Variants in OTUD7A observed in about 807,000 individuals in gnomAD.
OTUD7A encodes OTU domain-containing protein 7A.
A neutral mutation model predicts 65.7 loss-of-function variants in OTUD7A; 12 were observed. The observed-to-expected ratio is 0.18, with a 90% CI of 0.12 to 0.30. The LOEUF (loss-of-function observed/expected upper bound fraction) is 0.30, where lower values mean the gene tolerates loss of function less well. Ranked by LOEUF, OTUD7A falls within the 10% of genes least tolerant of loss-of-function variation. The probability of loss-of-function intolerance (pLI) is 1.00; values close to 1 mark genes in which losing one functional copy is unlikely to be tolerated. For missense variants in OTUD7A, 1,148 were observed against 1,304.8 expected (o/e 0.88, Z 1.85); for synonymous variants, 641 against 586.3 (o/e 1.09, Z -1.35).
At chr15:31,576,972 T>C (rs563220868) in intron 3 of OTUD7A, among the ~76,000 whole-genome samples, 4 of 152,030 alleles carry the variant, frequency 2.6e-5, no homozygotes, top group African/African-American at 9.7e-5. Context: ...CAGACCAGCA[T>C]TAACATTAAA....
chr15:31,867,078 C>T (rs1346331321), intron 1 of OTUD7A, among the ~76,000 whole-genome samples: 1 of 152,140 alleles, frequency 6.6e-6, no homozygotes, highest in African/African-American at 2.4e-5. Flanking sequence ...ACCATCTAAG[C>T]ATGGGAAACA....
chr15:31,526,244 A>T (rs1337938855), intron 8 of OTUD7A, 105 bp downstream of exon 8: 1 of 1,161,952 alleles, frequency 8.6e-7, no homozygotes, highest in East Asian at 2.7e-5. Context: ...CTTCCACAGC[A>T]CAAGAGTCCC....
chr15:31,765,448 T>C (rs1268494858), intron 1 of OTUD7A, among the ~76,000 whole-genome samples: 2 of 152,170 alleles, frequency 1.3e-5, no homozygotes, highest in Admixed American at 1.3e-4. Context: ...TACAGTTTAA[T>C]CCCTAACACA....
At chr15:31,771,630 A>G (rs1490500932) in intron 1 of OTUD7A, among the ~76,000 whole-genome samples, 2 of 152,106 alleles carry the variant, frequency 1.3e-5, no homozygotes, top group African/African-American at 4.8e-5. Context: ...GAACTTTTAA[A>G]ATGGTTAACT....
chr15:31,526,453 C>T lies in OTUD7A; in HGVS notation c.789G>A (p.Leu263=), dbSNP rs778537935. The part of the protein sequence containing the change: ...QQTQQNKESG[L]VYTEEEWERE... Reference sequence around the variant, plus strand: ...GCTCCCACTCCTCCTCTGTGTACACCAGCCCTGACTGGCAGAGGGGAGCCG... The same window carrying T: ...GCTCCCACTCCTCCTCTGTGTACACTAGCCCTGACTGGCAGAGGGGAGCCG... The change falls in exon 8 of 13, where the codon CTG becomes CTA. Residue 263 remains leucine (L), a synonymous_variant. Transcript: ENST00000307050. The T allele has an allele frequency of 1.9e-6, 3 of 1,595,192 alleles. No individual in the cohort carries two copies. The highest frequency in any genetic ancestry group is 2.2e-5 in the East Asian group (1 of 44,530).
intron 1 of OTUD7A, among the ~76,000 whole-genome samples, chr15:31,812,554 C>A (rs966142353): frequency 6.6e-6 from 1 of 152,138 alleles, no homozygotes; most frequent in African/African-American, 2.4e-5. Flanking sequence ...CCAAATCTCC[C>A]TTTTTGGTGC....
chr15:31,622,297 G>C (rs1249744443), intron 3 of OTUD7A, among the ~76,000 whole-genome samples: 2 of 152,092 alleles, frequency 1.3e-5, no homozygotes, highest in Non-Finnish European at 2.9e-5. Flanking sequence ...TTTCCTGAAT[G>C]TGAATGTTGG....
intron 1 of OTUD7A, among the ~76,000 whole-genome samples, chr15:31,723,387 G>A (rs1288719869): frequency 1.1e-4 from 3 of 26,720 alleles, no homozygotes; most frequent in Non-Finnish European, 2.1e-4. Flanking sequence ...CCCCCGCACC[G>A]CACGCCACCC....
At chr15:31,663,284 A>ACACAC (rs1453925947) in intron 1 of OTUD7A, among the ~76,000 whole-genome samples, 5 of 97,000 alleles carry the variant, frequency 5.2e-5, no homozygotes, top group Non-Finnish European at 1.0e-4. Flanking sequence ...CACACACACA[A>ACACAC]GTTTTTAAAA....
intron 1 of OTUD7A, among the ~76,000 whole-genome samples, chr15:31,702,474 A>T (rs561388393): frequency 1.3e-5 from 2 of 148,158 alleles, no homozygotes; most frequent in Non-Finnish European, 3.0e-5. Context: ...ATCAATGAAC[A>T]TGTGGACACT....
At chr15:31,598,609 G>GA (rs1566937339) in intron 3 of OTUD7A, among the ~76,000 whole-genome samples, 1 of 151,624 alleles carries the variant, frequency 6.6e-6, no homozygotes, top group Non-Finnish European at 1.5e-5. Context: ...GTTGCAGGAG[G>GA]TTTTTTTTTC....
intron 5 of OTUD7A, among the ~76,000 whole-genome samples, chr15:31,545,661 T>C (rs1036137060): frequency 6.6e-6 from 1 of 152,174 alleles, no homozygotes; most frequent in African/African-American, 2.4e-5. Flanking sequence ...CTAATTTTAC[T>C]AGTCATCAGA....
At chr15:31,766,373 C>T (rs1223629974) in intron 1 of OTUD7A, 1 of 1,588,924 alleles carries the variant, frequency 6.3e-7, no homozygotes, top group Non-Finnish European at 8.6e-7. Context: ...AACAACATAA[C>T]TGTAGAGCAT....
At chr15:31,696,921 A>G (rs1459954118) in intron 1 of OTUD7A, among the ~76,000 whole-genome samples, 1 of 150,610 alleles carries the variant, frequency 6.6e-6, no homozygotes, top group Non-Finnish European at 1.5e-5. Context: ...GGGAGAGGAG[A>G]CTGCTGCTCT....
At chr15:31,550,262 G>T (rs530342226) in intron 5 of OTUD7A, among the ~76,000 whole-genome samples, 6 of 151,996 alleles carry the variant, frequency 3.9e-5, no homozygotes, top group African/African-American at 1.4e-4. Context: ...CAAACCCACA[G>T]CAGGCTGCTT....
At chr15:31,562,605 A>C (rs369238781) in intron 4 of OTUD7A, among the ~76,000 whole-genome samples, 1 of 152,140 alleles carries the variant, frequency 6.6e-6, no homozygotes, top group East Asian at 1.9e-4. Flanking sequence ...TAAAAAAAAA[A>C]AACAACTTCC....
In OTUD7A at chr15:31,484,251, C is replaced by G. The variant is rs1465158979; in HGVS notation, c.1845G>C (p.Arg615=). 2.5e-6 allele frequency: 4 copies of G among 1,596,152 alleles called. No homozygotes were observed. The highest frequency in any genetic ancestry group is 3.4e-6 in the Non-Finnish European group (4 of 1,174,122). The change falls in exon 13 of 13, where the codon CGG becomes CGC. Residue 615 remains arginine (R), a synonymous_variant. Transcript: ENST00000307050. The surrounding 1 kb of genome is among the most constrained non-coding windows in gnomAD (Gnocchi z 4.5). ...ASPAEKGGGP[R]GDAWKYSTDV... ...CCGTGCTGTACTTCCAGGCGTCGCC[C>G]CGCGGCCCACCGCCCTTCTCCGCCG... is the stretch of plus-strand genomic sequence containing the variant.
chr15:31,646,045 C>A (rs1037353762), intron 3 of OTUD7A, among the ~76,000 whole-genome samples: 2 of 152,218 alleles, frequency 1.3e-5, no homozygotes, highest in African/African-American at 4.8e-5. Flanking sequence ...AAATTGATTT[C>A]AGTTCGCACA....
intron 5 of OTUD7A, among the ~76,000 whole-genome samples, chr15:31,539,956 A>G (rs565077090): frequency 6.6e-6 from 1 of 152,344 alleles, no homozygotes; most frequent in South Asian, 2.1e-4. Context: ...CTGGTGCCAA[A>G]GACAATTTCT....
Sources: allele counts gnomAD v4.1 joint callset (sites outside exome capture counted in the v4.1 genomes callset), GRCh38; gene constraint gnomAD v4.1.1; non-coding constraint Gnocchi (gnomAD v3.1); transcripts MANE v1.5; gene names NCBI Gene and HGNC (gene_info 2026-07-23, HGNC 2026-07-21).